Variants in LSAMP observed in about 807,000 individuals in gnomAD.
LSAMP encodes the protein limbic system associated membrane protein, also known as limbic system-associated membrane protein.
In LSAMP, 7 loss-of-function variants were observed where a neutral mutation model predicts 38.6. The observed-to-expected ratio is 0.18, with a 90% CI of 0.10 to 0.34. The LOEUF (loss-of-function observed/expected upper bound fraction) is 0.34. LSAMP is among the 10% of genes least tolerant of loss of function. LSAMP has a pLI of 1.00. For synonymous variants in LSAMP, 154 were observed against 166.8 expected (o/e 0.92, Z 0.59); for missense variants, 313 against 420.0 (o/e 0.75, Z 2.23).
At chr3:116,441,805 TAAATGCAG>T (rs1363328387) in intron 1 of LSAMP, among the ~76,000 whole-genome samples, 5 of 152,198 alleles carry the variant, frequency 3.3e-5, no homozygotes, top group African/African-American at 1.2e-4. Flanking sequence ...CACACAAATA[TAAATGCAG>T]ATTCTGGTTG....
chr3:116,005,278 T>C lies in LSAMP; in HGVS notation c.514+14237A>G, dbSNP rs150930444. Among the ~76,000 whole-genome samples, 17 of 152,228 alleles carry C rather than the reference T, an allele frequency of 1.1e-4. No homozygotes were observed. In the East Asian group the frequency reaches 3.3e-3, roughly 29 times the overall value. ...CACCTCAGGCAACTGAGATCAATAA[T>C]AAATTTTCTGGATCTATTGAAATAA... On this transcript the variant is annotated intron_variant, in intron 3 of 6. Transcript: ENST00000490035.
At chr3:116,087,935 C>G (rs368806263) in intron 1 of LSAMP, among the ~76,000 whole-genome samples, 6 of 150,188 alleles carry the variant, frequency 4.0e-5, no homozygotes, top group Middle Eastern at 3.4e-3. Context: ...GTTCGGTCAC[C>G]AAGACTGGGG....
chr3:116,385,151 T>C (rs1251873293), intron 1 of LSAMP, among the ~76,000 whole-genome samples: 1 of 150,806 alleles, frequency 6.6e-6, no homozygotes, highest in Non-Finnish European at 1.5e-5. Flanking sequence ...AAGGAAACGC[T>C]ATGTTTATAT....
chr3:115,982,624 C>T (rs1003255997), intron 3 of LSAMP, among the ~76,000 whole-genome samples: 1 of 151,890 alleles, frequency 6.6e-6, no homozygotes, highest in Non-Finnish European at 1.5e-5. Flanking sequence ...TCCTATGTTC[C>T]CTTTTCCCCT....
intron 2 of LSAMP, among the ~76,000 whole-genome samples, chr3:116,039,973 G>A (rs536203350): frequency 4.0e-5 from 6 of 151,658 alleles, no homozygotes; most frequent in Non-Finnish European, 7.4e-5. Context: ...GGTAACAGCA[G>A]CTCTTTACTC....
chr3:115,850,579 C>T (rs999829115), intron 4 of LSAMP, among the ~76,000 whole-genome samples: 1 of 152,110 alleles, frequency 6.6e-6, no homozygotes, highest in African/African-American at 2.4e-5. Flanking sequence ...TGAAACACAC[C>T]CAACACTAGA....
chr3:116,284,406 T>G (rs1012511574), intron 1 of LSAMP, among the ~76,000 whole-genome samples: 2 of 152,228 alleles, frequency 1.3e-5, no homozygotes, highest in African/African-American at 4.8e-5. Flanking sequence ...TAGGAGATAA[T>G]GTATACATTC....
intron 1 of LSAMP, among the ~76,000 whole-genome samples, chr3:116,309,174 A>G (rs970650734): frequency 1.3e-5 from 2 of 152,138 alleles, no homozygotes; most frequent in Admixed American, 6.6e-5. Context: ...ATTAGCAATT[A>G]CATTAAAATG....
intron 1 of LSAMP, among the ~76,000 whole-genome samples, chr3:116,139,665 C>T (rs908965104): frequency 2.6e-5 from 4 of 151,896 alleles, no homozygotes; most frequent in Admixed American, 1.3e-4. Flanking sequence ...CCTTTATTTT[C>T]CTCCTTAAAG....
intron 1 of LSAMP, among the ~76,000 whole-genome samples, chr3:116,437,189 C>G (rs1385483379): frequency 2.0e-5 from 3 of 151,806 alleles, no homozygotes; most frequent in Admixed American, 6.6e-5. Context: ...TATGTTCTCA[C>G]TGATATGTGG....
At chr3:116,029,142 C>A (rs772353110) in intron 2 of LSAMP, among the ~76,000 whole-genome samples, 37 of 152,090 alleles carry the variant, frequency 2.4e-4, no homozygotes, top group Non-Finnish European at 4.4e-4. Context: ...TCCTTGTAAA[C>A]AACAGATATT....
intron 1 of LSAMP, among the ~76,000 whole-genome samples, chr3:116,247,437 G>A (rs1447788043): frequency 2.0e-5 from 3 of 152,122 alleles, no homozygotes; most frequent in Non-Finnish European, 4.4e-5. Context: ...CACACTAATT[G>A]ATAGACTGAA....
intron 2 of LSAMP, among the ~76,000 whole-genome samples, chr3:116,031,361 C>A (rs937141965): frequency 6.6e-6 from 1 of 151,966 alleles, no homozygotes; most frequent in African/African-American, 2.4e-5. Context: ...GCAGAAGTAC[C>A]AGCAGGAGGT....
chr3:115,960,385 T>C (rs1938586848), intron 3 of LSAMP, among the ~76,000 whole-genome samples: 1 of 152,334 alleles, frequency 6.6e-6, no homozygotes, highest in East Asian at 1.9e-4. Context: ...TTTTGTCATG[T>C]CAGCCTTGGA....
intron 1 of LSAMP, among the ~76,000 whole-genome samples, chr3:116,262,747 T>C (rs141660323): frequency 0.026 from 3,973 of 152,212 alleles, 63 homozygotes; most frequent in South Asian, 0.053. Context: ...AAGGAAAAAG[T>C]TGAAGGGGAT....
chr3:116,098,182 A>G (rs1443769175), intron 1 of LSAMP, among the ~76,000 whole-genome samples: 1 of 152,116 alleles, frequency 6.6e-6, no homozygotes, highest in Non-Finnish European at 1.5e-5. Flanking sequence ...ACAAGAAGCC[A>G]GTAGATCACG....
chr3:115,948,733 GA>G (rs1221280169), intron 3 of LSAMP, among the ~76,000 whole-genome samples: 2 of 152,054 alleles, frequency 1.3e-5, no homozygotes, highest in African/African-American at 4.8e-5. Flanking sequence ...AGAGAAACAA[GA>G]GCAAACCAAA....
At chr3:116,099,988 T>G (rs1708306907) in intron 1 of LSAMP, among the ~76,000 whole-genome samples, 1 of 151,210 alleles carries the variant, frequency 6.6e-6, no homozygotes, top group Non-Finnish European at 1.5e-5. Flanking sequence ...ATCTTCCACT[T>G]TACTTTGGTT....
At position 116,163,811 on chromosome 3, in the gene LSAMP, C is replaced by A. The variant is rs188040486; in HGVS notation, c.156-77255G>T. On this transcript the variant is annotated intron_variant, in intron 1 of 6. Coordinates refer to ENST00000490035, the MANE Select transcript of LSAMP (RefSeq NM_002338.5). Reference sequence around the variant, plus strand: ...AATTTCATGCCACATTTTTCATATTCATTCTCATGTTTTCTTAATATCTGG... The same window carrying A: ...AATTTCATGCCACATTTTTCATATTAATTCTCATGTTTTCTTAATATCTGG... Among the ~76,000 whole-genome samples, 5 of 152,130 alleles carry A rather than the reference C, an allele frequency of 3.3e-5. No homozygotes were observed. In the East Asian group the frequency reaches 9.7e-4, roughly 29 times the overall value.
Sources: gnomAD v4.1 joint callset for allele counts (sites outside exome capture counted in the v4.1 genomes callset) on GRCh38, gnomAD v4.1.1 for gene constraint, MANE v1.5 for transcripts, NCBI Gene and HGNC (gene_info 2026-07-23, HGNC 2026-07-21) for gene names.